The following GNAQ variants were observed in gnomAD, a reference collection of about 807,000 sequenced individuals.
GNAQ encodes guanine nucleotide-binding protein G(q) subunit alpha.
In GNAQ, 8 loss-of-function variants were observed where a neutral mutation model predicts 43.9. The ratio of observed to expected loss-of-function variants is 0.18; its 90% CI spans 0.11 to 0.33. The LOEUF is 0.33. GNAQ is among the 10% of genes least tolerant of loss of function. The probability of loss-of-function intolerance (pLI) is 1.00; values close to 1 mark genes in which losing one functional copy is unlikely to be tolerated. For missense variants in GNAQ, 158 were observed against 450.8 expected, an observed-to-expected ratio of 0.35 and a Z score of 5.88; for synonymous variants, 155 against 170.7, an observed-to-expected ratio of 0.91 and a Z score of 0.71.
intron 1 of GNAQ, among the ~76,000 whole-genome samples, chr9:77,931,433 A>T (rs546540947): frequency 6.6e-6 from 1 of 152,092 alleles, no homozygotes; most frequent in Non-Finnish European, 1.5e-5. Flanking sequence ...TCTACCAAAA[A>T]TACAAAAATT....
At chr9:77,996,314 C>G (rs1823566638) in intron 1 of GNAQ, among the ~76,000 whole-genome samples, 1 of 152,244 alleles carries the variant, frequency 6.6e-6, no homozygotes, top group African/African-American at 2.4e-5. Context: ...AGCAAAAATG[C>G]ACTGGTTTTC....
chr9:77,791,595 C>T (rs1459475378), intron 5 of GNAQ, among the ~76,000 whole-genome samples: 2 of 151,926 alleles, frequency 1.3e-5, no homozygotes, highest in African/African-American at 2.4e-5. Flanking sequence ...AATTCATTCC[C>T]CAAACAATAG....
chr9:77,750,422 A>G (rs1825795329), intron 5 of GNAQ, among the ~76,000 whole-genome samples: 1 of 152,180 alleles, frequency 6.6e-6, no homozygotes, highest in Non-Finnish European at 1.5e-5. Context: ...AACATTTTAA[A>G]TGTAAGAGGT....
chr9:77,940,373 G>A (rs1439966098), intron 1 of GNAQ, among the ~76,000 whole-genome samples: 1 of 152,110 alleles, frequency 6.6e-6, no homozygotes, highest in Non-Finnish European at 1.5e-5. Flanking sequence ...CTAAGCTCAG[G>A]AGTTTGAGAT....
chr9:77,842,416 T>C (rs141181615), intron 2 of GNAQ, among the ~76,000 whole-genome samples: 165 of 152,300 alleles, frequency 1.1e-3, no homozygotes, highest in African/African-American at 3.7e-3. Flanking sequence ...AGAAAATAAA[T>C]TGGTTTTCAT....
At chr9:77,906,461 G>C (rs1435870526) in intron 2 of GNAQ, among the ~76,000 whole-genome samples, 1 of 152,132 alleles carries the variant, frequency 6.6e-6, no homozygotes, top group Non-Finnish European at 1.5e-5. Context: ...AAAAATGTGT[G>C]TATTTTCTGA....
At chr9:77,918,368 G>C (rs1359013708) in intron 2 of GNAQ, among the ~76,000 whole-genome samples, 1 of 152,066 alleles carries the variant, frequency 6.6e-6, no homozygotes, top group Non-Finnish European at 1.5e-5. Context: ...TTCCAAAATA[G>C]TTATTTATTT....
chr9:77,961,315 A>C (rs1823104592), intron 1 of GNAQ, among the ~76,000 whole-genome samples: 1 of 152,156 alleles, frequency 6.6e-6, no homozygotes, highest in Non-Finnish European at 1.5e-5. Context: ...GGCAAGGAGG[A>C]TCCCAAAAAG....
At chr9:77,734,607 C>T (rs541051722) in intron 5 of GNAQ, among the ~76,000 whole-genome samples, 2 of 152,226 alleles carry the variant, frequency 1.3e-5, no homozygotes, top group East Asian at 3.9e-4. Context: ...TTCCAGGGTG[C>T]AGATGCTCTT....
At chr9:77,947,112 C>A (rs1394177232) in intron 1 of GNAQ, among the ~76,000 whole-genome samples, 1 of 152,268 alleles carries the variant, frequency 6.6e-6, no homozygotes, top group African/African-American at 2.4e-5. Flanking sequence ...AAACCTCCCC[C>A]ATTCTTGTCC....
chr9:77,762,073 T>TG (rs1194043824), intron 5 of GNAQ, among the ~76,000 whole-genome samples: 2 of 98,492 alleles, frequency 2.0e-5, no homozygotes. Flanking sequence ...GGGAGGGAGG[T>TG]GGGGGGGTCA....
intron 5 of GNAQ, among the ~76,000 whole-genome samples, chr9:77,762,437 C>T (rs934246325): frequency 1.5e-5 from 2 of 135,156 alleles, no homozygotes; most frequent in African/African-American, 2.9e-5. Context: ...GGGGGTCAGC[C>T]CCCCGCCTGG....
intron 1 of GNAQ, among the ~76,000 whole-genome samples, chr9:77,970,222 C>CAAA (rs139514787): frequency 6.9e-6 from 1 of 145,756 alleles, no homozygotes; most frequent in Non-Finnish European, 1.5e-5. Flanking sequence ...TCCATCTCCA[C>CAAA]AAAAAAAAAA....
intron 1 of GNAQ, among the ~76,000 whole-genome samples, chr9:77,937,086 A>C (rs1027647295): frequency 1.3e-4 from 20 of 152,274 alleles, no homozygotes; most frequent in African/African-American, 2.6e-4. Context: ...CAGGTAATTA[A>C]TTTTTTTCTA....
intron 1 of GNAQ, among the ~76,000 whole-genome samples, chr9:77,965,670 C>A (rs1408352782): frequency 1.3e-5 from 2 of 152,124 alleles, no homozygotes; most frequent in African/African-American, 4.8e-5. Flanking sequence ...AAAATGGCAA[C>A]ATTTTTTTAA....
At chr9:77,978,358 A>T (rs1823328852) in intron 1 of GNAQ, among the ~76,000 whole-genome samples, 1 of 152,182 alleles carries the variant, frequency 6.6e-6, no homozygotes, top group Non-Finnish European at 1.5e-5. Context: ...TTCCTGTTTC[A>T]GCAGTATTAC....
intron 2 of GNAQ, among the ~76,000 whole-genome samples, chr9:77,911,711 T>A (rs760253832): frequency 3.7e-4 from 56 of 152,170 alleles, no homozygotes; most frequent in Non-Finnish European, 8.8e-5. Flanking sequence ...TAGAGCCATG[T>A]TGGCCCAAAA....
At chr9:77,767,787 AG>A (rs1826159525) in intron 5 of GNAQ, among the ~76,000 whole-genome samples, 1 of 152,168 alleles carries the variant, frequency 6.6e-6, no homozygotes, top group African/African-American at 2.4e-5. Flanking sequence ...ATGTCCTCTC[AG>A]CCCATCCTGA....
At chr9:78,010,022 T>A (rs908963835) in intron 1 of GNAQ, among the ~76,000 whole-genome samples, 1 of 152,150 alleles carries the variant, frequency 6.6e-6, no homozygotes, top group African/African-American at 2.4e-5. Flanking sequence ...TTGGGATAAT[T>A]TATTTAGACA....
Sources: gnomAD v4.1 joint callset for allele counts (sites outside exome capture counted in the v4.1 genomes callset) on GRCh38, gnomAD v4.1.1 for gene constraint, MANE v1.5 for transcripts, NCBI Gene and HGNC (gene_info 2026-07-23, HGNC 2026-07-21) for gene names.